NPAS3: variants seen among roughly 807,000 people sequenced by gnomAD.
NPAS3 encodes neuronal PAS domain-containing protein 3.
In NPAS3, 14 loss-of-function variants were observed where a neutral mutation model predicts 73.1. The ratio of observed to expected loss-of-function variants is 0.19; its 90% CI spans 0.13 to 0.30. The LOEUF is 0.30. NPAS3 is among the 10% of genes least tolerant of loss of function. The pLI is 1.00. For missense variants in NPAS3, 1,096 were observed against 1,250.0 expected (o/e 0.88, Z 1.86); for synonymous variants, 620 against 541.5 (o/e 1.14, Z -2.01).
chr14:33,426,910 C>A (rs1248597748), intron 4 of NPAS3, among the ~76,000 whole-genome samples: 1 of 152,058 alleles, frequency 6.6e-6, no homozygotes, highest in Admixed American at 6.6e-5. Flanking sequence ...AATTGTAGGA[C>A]TTTATGCAGG....
intron 4 of NPAS3, among the ~76,000 whole-genome samples, chr14:33,394,126 T>C (rs2047122520): frequency 6.6e-6 from 1 of 152,178 alleles, no homozygotes. Context: ...GTTTTGTCTG[T>C]GAATATCATT....
At chr14:33,401,881 G>T (rs1382053433) in intron 4 of NPAS3, among the ~76,000 whole-genome samples, 1 of 152,056 alleles carries the variant, frequency 6.6e-6, no homozygotes, top group African/African-American at 2.4e-5. Context: ...TCCTAGCAGT[G>T]CAGCAGGGCA....
At chr14:33,417,952 G>T (rs1426997657) in intron 4 of NPAS3, among the ~76,000 whole-genome samples, 5 of 151,900 alleles carry the variant, frequency 3.3e-5, no homozygotes, top group Non-Finnish European at 7.4e-5. Flanking sequence ...GATGATTTTG[G>T]TTCCCCTGGA....
chr14:33,110,297 A>G (rs1442091170), intron 2 of NPAS3, among the ~76,000 whole-genome samples: 1 of 152,170 alleles, frequency 6.6e-6, no homozygotes, highest in Admixed American at 6.5e-5. Context: ...TTAATATGCA[A>G]TGAGTAACCA....
intron 4 of NPAS3, among the ~76,000 whole-genome samples, chr14:33,439,723 A>C (rs1221345400): frequency 6.6e-6 from 1 of 152,224 alleles, no homozygotes; most frequent in Admixed American, 6.5e-5. Context: ...CGTCAGTGCT[A>C]ATGGACGGTT....
intron 3 of NPAS3, among the ~76,000 whole-genome samples, chr14:33,322,219 G>GTGAATT (rs1230386545): frequency 6.6e-6 from 1 of 152,192 alleles, no homozygotes; most frequent in Non-Finnish European, 1.5e-5. Context: ...ATGCTCTTCA[G>GTGAATT]TGAATTGGAG....
chr14:33,727,804 G>A (rs2061309764), intron 6 of NPAS3, among the ~76,000 whole-genome samples: 1 of 152,102 alleles, frequency 6.6e-6, no homozygotes, highest in African/African-American at 2.4e-5. Context: ...CATCGCAGGA[G>A]GACATGCTAT....
chr14:33,554,403 G>A (rs2055260417), intron 4 of NPAS3, among the ~76,000 whole-genome samples: 1 of 152,210 alleles, frequency 6.6e-6, no homozygotes, highest in African/African-American at 2.4e-5. Flanking sequence ...GCCTGAATTG[G>A]AAGAACATCA....
At chr14:33,645,048 T>C (rs1485916227) in intron 5 of NPAS3, among the ~76,000 whole-genome samples, 1 of 142,734 alleles carries the variant, frequency 7.0e-6, no homozygotes, top group African/African-American at 2.6e-5. Flanking sequence ...ACCACCACAC[T>C]CCAGCCTGGG....
intron 3 of NPAS3, among the ~76,000 whole-genome samples, chr14:33,345,519 A>G (rs1026190082): frequency 6.6e-6 from 1 of 152,274 alleles, no homozygotes; most frequent in African/African-American, 2.4e-5. Flanking sequence ...CTGAAAGTTA[A>G]GAAGTATTCT....
At chr14:33,552,286 G>A (rs949950294) in intron 4 of NPAS3, among the ~76,000 whole-genome samples, 6 of 152,186 alleles carry the variant, frequency 3.9e-5, no homozygotes, top group African/African-American at 1.4e-4. Context: ...CTCAGCAGTG[G>A]GAGGAAAAGC....
intron 3 of NPAS3, among the ~76,000 whole-genome samples, chr14:33,322,274 C>A (rs1036788519): frequency 6.6e-6 from 1 of 152,160 alleles, no homozygotes; most frequent in African/African-American, 2.4e-5. Flanking sequence ...ATTCCCATTG[C>A]CTCCGTCAGT....
chr14:33,442,641 C>T (rs573665043), intron 4 of NPAS3, among the ~76,000 whole-genome samples: 12 of 152,270 alleles, frequency 7.9e-5, no homozygotes, highest in Middle Eastern at 3.4e-3. Flanking sequence ...TCCTTGCTGC[C>T]GCCATGTGAA....
At chr14:33,249,593 T>A (rs1262733623) in intron 3 of NPAS3, among the ~76,000 whole-genome samples, 1 of 152,162 alleles carries the variant, frequency 6.6e-6, no homozygotes, top group East Asian at 1.9e-4. Context: ...TCTTTCCTTC[T>A]TCCTGGGGAC....
chr14:33,497,147 T>C (rs1294631282), intron 4 of NPAS3, among the ~76,000 whole-genome samples: 1 of 152,088 alleles, frequency 6.6e-6, no homozygotes, highest in Non-Finnish European at 1.5e-5. Flanking sequence ...ACAAGGGATG[T>C]GAAGGACCTC....
intron 1 of NPAS3, among the ~76,000 whole-genome samples, chr14:33,013,931 G>A (rs2039301204): frequency 6.6e-6 from 1 of 152,006 alleles, no homozygotes; most frequent in African/African-American, 2.4e-5. Flanking sequence ...TTCTTTTCAT[G>A]TCAGTAACAA....
At chr14:33,613,635 C>G (rs1479299706) in intron 5 of NPAS3, among the ~76,000 whole-genome samples, 1 of 152,138 alleles carries the variant, frequency 6.6e-6, no homozygotes, top group African/African-American at 2.4e-5. Context: ...TCAGTGGCTT[C>G]CACTGCACCA....
intron 2 of NPAS3, among the ~76,000 whole-genome samples, chr14:33,087,204 ATAGTAT>A (rs1185543964): frequency 0.036 from 4,291 of 120,692 alleles, 178 homozygotes; most frequent in East Asian, 0.17. Context: ...GTATAATAAT[ATAGTAT>A]TATTATTATT....
At chr14:33,548,122 G>T (rs999043556) in intron 4 of NPAS3, among the ~76,000 whole-genome samples, 1 of 152,120 alleles carries the variant, frequency 6.6e-6, no homozygotes, top group Non-Finnish European at 1.5e-5. Context: ...TTGGGAATTC[G>T]GATGCCTTTG....
Sources: allele counts gnomAD v4.1 joint callset (sites outside exome capture counted in the v4.1 genomes callset), GRCh38; gene constraint gnomAD v4.1.1; transcripts MANE v1.5; gene names NCBI Gene and HGNC (gene_info 2026-07-23, HGNC 2026-07-21).